Variants in ITGA8 observed in about 807,000 individuals in gnomAD.
ITGA8 encodes integrin alpha-8.
A neutral mutation model predicts 142.3 loss-of-function variants in ITGA8; 91 were observed. The observed-to-expected ratio is 0.64, with a 90% CI of 0.54 to 0.76. The LOEUF is 0.76. Ranked by LOEUF, ITGA8 falls within the 30% of genes least tolerant of loss-of-function variation. The probability of loss-of-function intolerance (pLI) is 0.00; values close to 1 mark genes in which losing one functional copy is unlikely to be tolerated. For synonymous variants in ITGA8, 505 were observed against 485.2 expected, an observed-to-expected ratio of 1.04 and a Z score of -0.54; for missense variants, 1,406 against 1,327.7, an observed-to-expected ratio of 1.06 and a Z score of -0.92.
chr10:15,644,578 C>T (rs1245526424), intron 12 of ITGA8, among the ~76,000 whole-genome samples: 4 of 147,556 alleles, frequency 2.7e-5, no homozygotes, highest in Admixed American at 6.8e-5. Context: ...ATCACCCCAC[C>T]TCAGCCTCCC....
intron 13 of ITGA8, among the ~76,000 whole-genome samples, chr10:15,632,062 T>C (rs1207378180): frequency 6.6e-6 from 1 of 151,978 alleles, no homozygotes; most frequent in Non-Finnish European, 1.5e-5. Flanking sequence ...AAACCTGCTT[T>C]GGGACAGAAT....
chr10:15,533,268 T>G (rs1186338183), intron 27 of ITGA8, among the ~76,000 whole-genome samples: 1 of 152,248 alleles, frequency 6.6e-6, no homozygotes. Flanking sequence ...TACAATATCT[T>G]TGAATGTTTC....
intron 2 of ITGA8, among the ~76,000 whole-genome samples, chr10:15,699,337 C>A (rs1402390614): frequency 6.6e-6 from 1 of 152,088 alleles, no homozygotes; most frequent in Non-Finnish European, 1.5e-5. Flanking sequence ...CTGTACTTAG[C>A]AGTTTGTACT....
At chr10:15,654,686 G>C (rs569443161) in intron 11 of ITGA8, among the ~76,000 whole-genome samples, 2 of 152,138 alleles carry the variant, frequency 1.3e-5, no homozygotes, top group Non-Finnish European at 2.9e-5. Flanking sequence ...TGTGTATTCT[G>C]GGCACCAAGA....
chr10:15,659,234 G>A (rs1394482180), intron 9 of ITGA8, among the ~76,000 whole-genome samples, 179 bp from the exon 10 acceptor site: 1 of 151,730 alleles, frequency 6.6e-6, no homozygotes, highest in Non-Finnish European at 1.5e-5. Context: ...GCCGATTAAA[G>A]TTTTTGTTTA....
At chr10:15,631,234 A>G (rs1833679312) in intron 13 of ITGA8, among the ~76,000 whole-genome samples, 1 of 152,050 alleles carries the variant, frequency 6.6e-6, no homozygotes, top group South Asian at 2.1e-4. Context: ...CCAAAGGATT[A>G]TAAATCATTC....
chr10:15,549,798 G>A (rs1049357997), intron 26 of ITGA8, among the ~76,000 whole-genome samples: 3 of 152,178 alleles, frequency 2.0e-5, no homozygotes, highest in Middle Eastern at 3.2e-3. Context: ...AACATATTAC[G>A]ACAAGAACCT....
chr10:15,526,238 G>A (rs145420700), intron 28 of ITGA8, among the ~76,000 whole-genome samples: 81 of 151,166 alleles, frequency 5.4e-4, no homozygotes, highest in African/African-American at 1.9e-3. Flanking sequence ...GTGTTATCTC[G>A]TGATCTGGGC....
chr10:15,717,203 A>T (rs1835470456), intron 2 of ITGA8, among the ~76,000 whole-genome samples: 1 of 152,260 alleles, frequency 6.6e-6, no homozygotes, highest in African/African-American at 2.4e-5. Context: ...CAAGAAGATT[A>T]TTAAATTCTT....
At chr10:15,644,466 A>G (rs1292196203) in intron 12 of ITGA8, among the ~76,000 whole-genome samples, 2 of 24,810 alleles carry the variant, frequency 8.1e-5, no homozygotes, top group African/African-American at 1.7e-4. Flanking sequence ...ATATATATAT[A>G]TATATATATA....
intron 22 of ITGA8, among the ~76,000 whole-genome samples, chr10:15,587,739 TAAC>T (rs1350991512): frequency 6.6e-6 from 1 of 152,226 alleles, no homozygotes; most frequent in Non-Finnish European, 1.5e-5. Context: ...GGTGTGTGTT[TAAC>T]AACATTTCTT....
At chr10:15,592,348 C>T (rs1832941552) in intron 21 of ITGA8, 44 bp from the exon 22 acceptor site, 1 of 1,395,968 alleles carries the variant, frequency 7.2e-7, no homozygotes, top group South Asian at 1.2e-5. Context: ...TTGTACACAA[C>T]ATAAAAATAT....
intron 4 of ITGA8, among the ~76,000 whole-genome samples, chr10:15,679,705 A>C (rs760183199): frequency 2.6e-5 from 4 of 152,252 alleles, no homozygotes; most frequent in Non-Finnish European, 5.9e-5. Context: ...AGAAAATTCT[A>C]GTAGTGGCTT....
rs562583618 is a variant in ITGA8, at chr10:15,535,954, A to C, written c.2881-4803T>G. Among the ~76,000 whole-genome samples the C allele has an allele frequency of 1.7e-3, 264 of 152,138 alleles. 2 individuals carry two copies. The highest frequency in any genetic ancestry group is 2.9e-3 in the Non-Finnish European group (198 of 67,986). ...CCAGACCACAAACCCACCGGGAGGA[A>C]CGAATAACTCCGCGCTGCCTTAAGA... is the stretch of plus-strand genomic sequence containing the variant. On this transcript the variant is annotated intron_variant, in intron 27 of 29. Transcript: ENST00000378076.
chr10:15,530,947 C>T, intron 28 of ITGA8, 103 bp downstream of exon 28: 1 of 698,492 alleles, frequency 1.4e-6, no homozygotes. Flanking sequence ...GAAAATTTTT[C>T]TCAAGTCAAT....
chr10:15,599,309 C>G (rs1833061789), intron 20 of ITGA8, among the ~76,000 whole-genome samples: 1 of 152,096 alleles, frequency 6.6e-6, no homozygotes, highest in East Asian at 1.9e-4. Context: ...CTGGGACATT[C>G]TTGTTCTAAT....
intron 28 of ITGA8, among the ~76,000 whole-genome samples, chr10:15,528,642 C>A (rs2131539705): frequency 6.6e-6 from 1 of 151,532 alleles, no homozygotes; most frequent in South Asian, 2.1e-4. Flanking sequence ...CAGAAAGATG[C>A]AATCCTGTGG....
intron 2 of ITGA8, among the ~76,000 whole-genome samples, chr10:15,715,387 T>C (rs1835431886): frequency 6.6e-6 from 1 of 152,182 alleles, no homozygotes; most frequent in African/African-American, 2.4e-5. Context: ...CCAAAGCTCC[T>C]TGGGGGCTTA....
In ITGA8 at chr10:15,671,615, C is replaced by A; in HGVS notation, c.835G>T (p.Asp279Tyr). 1 of 1,612,638 alleles carries A rather than the reference C, an allele frequency of 6.2e-7. No homozygotes were observed. Among genetic ancestry groups the A allele is most frequent in the Non-Finnish European group, 8.5e-7 (1 of 1,178,882 alleles). The change falls in exon 8 of 30, where the codon GAT (aspartate) becomes TAT (tyrosine). Residue 279 changes from aspartate to tyrosine, a missense_variant. Coordinates refer to ENST00000378076, the MANE Select transcript of ITGA8 (RefSeq NM_003638.3). The stretch of plus-strand genomic sequence containing the variant: ...CAGTGCCTCTCACCTTGCTGAGAAT[C>A]CCCAGTAAACTCCCCAGCAGCAACT... ...YSVAAGEFTG[D>Y]SQQELVAGIP... is the part of the protein sequence containing the mutation.
Sources: allele counts gnomAD v4.1 joint callset (sites outside exome capture counted in the v4.1 genomes callset), GRCh38; gene constraint gnomAD v4.1.1; transcripts MANE v1.5; gene names NCBI Gene and HGNC (gene_info 2026-07-23, HGNC 2026-07-21).